FA2H: variants seen among roughly 807,000 people sequenced by gnomAD.
FA2H encodes fatty acid 2-hydroxylase.
FA2H carries 22 observed loss-of-function variants against 44.9 expected under a neutral mutation model. That is an observed-to-expected ratio of 0.49 (90% confidence interval 0.35 to 0.70). The LOEUF is 0.70. Among genes scored for constraint, FA2H ranks in the 30% least tolerant of loss-of-function variants. The pLI is 0.01. For synonymous variants in FA2H, 243 were observed against 213.2 expected (o/e 1.14, Z -1.22); for missense variants, 501 against 504.9 (o/e 0.99, Z 0.07).
At chr16:74,732,982 T>C (rs1962103423) in intron 2 of FA2H, among the ~76,000 whole-genome samples, 1 of 152,212 alleles carries the variant, frequency 6.6e-6, no homozygotes, top group Admixed American at 6.5e-5. Context: ...TTTCAGTTAC[T>C]CCCTGGGTAG....
chr16:74,718,661 A>C (rs570284176), intron 5 of FA2H, among the ~76,000 whole-genome samples: 1 of 152,334 alleles, frequency 6.6e-6, no homozygotes, highest in South Asian at 2.1e-4. Flanking sequence ...TGATGTCTAG[A>C]ACAGTGTCTC....
intron 6 of FA2H, among the ~76,000 whole-genome samples, chr16:74,716,090 G>T (rs887222516): frequency 3.9e-5 from 6 of 152,202 alleles, no homozygotes; most frequent in Middle Eastern, 3.4e-3. Context: ...CCTCGGCTGG[G>T]ATTACAGGTG....
intron 2 of FA2H, among the ~76,000 whole-genome samples, chr16:74,736,193 G>A (rs1351216634): frequency 1.3e-5 from 2 of 152,200 alleles, no homozygotes; most frequent in Non-Finnish European, 2.9e-5. Flanking sequence ...GGGGCCAGGA[G>A]CTCTGAGCAA....
chr16:74,722,957 C>T (rs1049406558), intron 4 of FA2H, among the ~76,000 whole-genome samples: 1 of 150,596 alleles, frequency 6.6e-6, no homozygotes, highest in African/African-American at 2.4e-5. Context: ...CCCAAACCAC[C>T]AGAACTTCAA....
Position 74,716,551 on chromosome 16 carries a change from G to C in FA2H, c.835C>G (p.Leu279Val), listed in dbSNP as rs1961705650. Residue 279 changes from leucine (L) to valine (V), a missense_variant, in exon 6 of 7, where the codon CTG becomes GTG. Transcript: ENST00000219368. Reference sequence around the variant, plus strand: ...CACAAGTAGAAGACGCCGATCACCAGGGAGGCTGGCACAGGGGGGAAGACC... The same window carrying C: ...CACAAGTAGAAGACGCCGATCACCACGGAGGCTGGCACAGGGGGGAAGACC... The part of the protein sequence containing the change: ...RLVFPPVPAS[L>V]VIGVFYLCMQ... The C allele has an allele frequency of 1.9e-6, 3 of 1,604,414 alleles. No individual in the cohort carries two copies. Among genetic ancestry groups the C allele is most frequent in the Non-Finnish European group, 2.6e-6 (3 of 1,175,698 alleles).
In FA2H at chr16:74,716,464, A is replaced by G; in HGVS notation, c.922T>C (p.Tyr308His). The change falls in exon 6 of 7, where the codon TAC becomes CAC. Residue 308 changes from tyrosine to histidine, a missense_variant. Tyr to His is a moderately conservative substitution (Grantham distance 83). Transcript: ENST00000219368. ...TAATGGGTCATGTCATAGAGGACGT[A>G]GCCCAGGAGGCCCCCCGCAAACACA... Reference protein sequence around the residue: ...GTVFAGGLLGYVLYDMTHYYL... With the variant: ...GTVFAGGLLGHVLYDMTHYYL... The G allele has an allele frequency of 6.2e-7, 1 of 1,613,996 alleles. No individual in the cohort carries two copies. Among genetic ancestry groups the G allele is most frequent in the Non-Finnish European group, 8.5e-7 (1 of 1,180,012 alleles).
chr16:74,714,597 C>T (rs1471203143), intron 6 of FA2H, among the ~76,000 whole-genome samples: 4 of 150,236 alleles, frequency 2.7e-5, no homozygotes, highest in Admixed American at 6.7e-5. Flanking sequence ...TTGCACCAGT[C>T]GCTCTTGGGA....
chr16:74,758,505 T>C (rs1184818360), intron 1 of FA2H, among the ~76,000 whole-genome samples: 1 of 152,106 alleles, frequency 6.6e-6, no homozygotes, highest in Non-Finnish European at 1.5e-5. Context: ...ATAGAAAAAA[T>C]CTACTCTAAT....
At chr16:74,717,501 G>A (rs1961733396) in intron 5 of FA2H, among the ~76,000 whole-genome samples, 2 of 152,246 alleles carry the variant, frequency 1.3e-5, no homozygotes, top group African/African-American at 4.8e-5. Context: ...AATTCCTGCA[G>A]TGTGAAAACT....
At chr16:74,715,794 C>G (rs148399996) in intron 6 of FA2H, among the ~76,000 whole-genome samples, 1 of 148,804 alleles carries the variant, frequency 6.7e-6, no homozygotes, top group Non-Finnish European at 1.5e-5. Flanking sequence ...CATCACCTTG[C>G]TTTACTTTCT....
intron 1 of FA2H, among the ~76,000 whole-genome samples, chr16:74,750,706 G>A (rs774112516): frequency 1.3e-5 from 2 of 151,742 alleles, no homozygotes; most frequent in Non-Finnish European, 2.9e-5. Context: ...AGGTGGCATG[G>A]TGTGTTCTAG....
At chr16:74,718,878 A>T in intron 5 of FA2H, 110 bp downstream of exon 5, 1 of 1,324,554 alleles carries the variant, frequency 7.5e-7, no homozygotes, top group Non-Finnish European at 1.1e-6. Context: ...GTCCCTCCCA[A>T]CCCACAGCCA....
chr16:74,745,035 G>A (rs1962392966), intron 1 of FA2H, among the ~76,000 whole-genome samples: 1 of 152,166 alleles, frequency 6.6e-6, no homozygotes, highest in Admixed American at 6.5e-5. Flanking sequence ...TCTGTGTCAG[G>A]TGATTGCTTT....
At chr16:74,763,347 T>A (rs1203475856) in intron 1 of FA2H, among the ~76,000 whole-genome samples, 3 of 152,124 alleles carry the variant, frequency 2.0e-5, no homozygotes, top group Non-Finnish European at 4.4e-5. Context: ...AACCTCAGCC[T>A]CCCAGGTTCA....
intron 1 of FA2H, among the ~76,000 whole-genome samples, chr16:74,748,303 C>T (rs991262295): frequency 1.3e-5 from 2 of 152,212 alleles, no homozygotes; most frequent in African/African-American, 2.4e-5. Context: ...TTCCCCCACC[C>T]CCCACGTGGC....
intron 4 of FA2H, among the ~76,000 whole-genome samples, chr16:74,725,287 G>A (rs1022600076): frequency 6.6e-5 from 10 of 152,204 alleles, no homozygotes; most frequent in African/African-American, 2.4e-4. Flanking sequence ...GCAGAGTGCA[G>A]GGAAAAGAGC....
At chr16:74,764,945 G>A (rs1254349088) in intron 1 of FA2H, among the ~76,000 whole-genome samples, 1 of 152,090 alleles carries the variant, frequency 6.6e-6, no homozygotes, top group Non-Finnish European at 1.5e-5. Context: ...TCTTGATTGA[G>A]ATTTTCTATG....
At chr16:74,740,849 C>G (rs750303902) in intron 1 of FA2H, among the ~76,000 whole-genome samples, 1 of 151,996 alleles carries the variant, frequency 6.6e-6, no homozygotes, top group Non-Finnish European at 1.5e-5. Flanking sequence ...GCCCAGGGCA[C>G]CTGGTGGGGC....
At chr16:74,774,210 G>A (rs2144671906) in intron 1 of FA2H, among the ~76,000 whole-genome samples, 1 of 152,230 alleles carries the variant, frequency 6.6e-6, no homozygotes, top group South Asian at 2.1e-4. Context: ...GAAGGAACAC[G>A]CTGGAAGGAG....
Sources: gnomAD v4.1 joint callset for allele counts (sites outside exome capture counted in the v4.1 genomes callset) on GRCh38, gnomAD v4.1.1 for gene constraint, MANE v1.5 for transcripts, NCBI Gene and HGNC (gene_info 2026-07-23, HGNC 2026-07-21) for gene names.